The following CDH2 variants were observed in gnomAD, a reference collection of about 807,000 sequenced individuals.
CDH2 encodes the protein cadherin-2.
CDH2 carries 17 observed loss-of-function variants against 92.0 expected under a neutral mutation model. The ratio of observed to expected loss-of-function variants is 0.18; its 90% CI spans 0.13 to 0.28. The LOEUF is 0.28. CDH2 is among the 10% of genes least tolerant of loss of function. CDH2 has a pLI of 1.00. For synonymous variants in CDH2, 419 were observed against 415.9 expected, an observed-to-expected ratio of 1.01 and a Z score of -0.09; for missense variants, 862 against 1,133.1, an observed-to-expected ratio of 0.76 and a Z score of 3.44.
intron 2 of CDH2, among the ~76,000 whole-genome samples, chr18:28,134,027 G>A (rs1289296801): frequency 3.3e-5 from 5 of 151,062 alleles, no homozygotes; most frequent in African/African-American, 1.2e-4. Flanking sequence ...GAGGCATGGT[G>A]AGTCACGCCT....
At chr18:27,947,488 A>C (rs1048044922), downstream of CDH2, among the ~76,000 whole-genome samples, 1 of 151,854 alleles carries the variant, frequency 6.6e-6, no homozygotes, top group Non-Finnish European at 1.5e-5. Flanking sequence ...CAATTTATGC[A>C]CAAGAGAAAA....
At chr18:28,096,776 T>C (rs2015142518) in intron 2 of CDH2, among the ~76,000 whole-genome samples, 1 of 152,188 alleles carries the variant, frequency 6.6e-6, no homozygotes, top group Non-Finnish European at 1.5e-5. Flanking sequence ...TATGAGGATA[T>C]GTAAAAAATG....
chr18:28,089,659 A>G (rs528796512), intron 2 of CDH2, among the ~76,000 whole-genome samples: 3 of 152,326 alleles, frequency 2.0e-5, no homozygotes, highest in Admixed American at 1.3e-4. Context: ...GCAAATGGTT[A>G]TATCTAATTT....
rs577869215 is a variant in CDH2 at position 28,006,563 on chromosome 18, C to CA, written c.703-571dup. 6.5e-3 allele frequency among the ~76,000 whole-genome samples: 892 copies of CA among 137,120 alleles called. 6 individuals carry two copies. The highest frequency in any genetic ancestry group is 0.019 in the Middle Eastern group (5 of 264). 90.0% of individuals were successfully genotyped at this position (137,120 alleles called of 152,430 possible). A position where few individuals can be genotyped will look rare whatever the true frequency, so the allele number is the denominator to read the frequency against. On this transcript the variant is annotated intron_variant, in intron 5 of 15. Coordinates refer to ENST00000269141, the MANE Select transcript of CDH2 (RefSeq NM_001792.5). ...CGAAACCCCGTCTCTACTAAAAATA[C>CA]AAAAAAAAAAAAATTAGCTGGGCCT...
intron 7 of CDH2, among the ~76,000 whole-genome samples, chr18:27,995,493 T>G (rs540192195): frequency 5.9e-5 from 9 of 152,116 alleles, no homozygotes; most frequent in Non-Finnish European, 1.3e-4. Flanking sequence ...TTATGACTTT[T>G]GAAATGTCAG....
At chr18:28,078,665 A>T (rs2014770861) in intron 2 of CDH2, among the ~76,000 whole-genome samples, 1 of 144,508 alleles carries the variant, frequency 6.9e-6, no homozygotes, top group Non-Finnish European at 1.5e-5. Flanking sequence ...GCACCCAGGC[A>T]TTTGTACATT....
chr18:28,138,308 GA>G (rs1015403550), intron 2 of CDH2, among the ~76,000 whole-genome samples: 17 of 152,028 alleles, frequency 1.1e-4, no homozygotes, highest in African/African-American at 3.9e-4. Context: ...CAGTTTGTCT[GA>G]AAAAAACACC....
intron 2 of CDH2, among the ~76,000 whole-genome samples, chr18:28,044,593 T>C (rs2014032419): frequency 6.6e-6 from 1 of 152,160 alleles, no homozygotes; most frequent in Non-Finnish European, 1.5e-5. Context: ...ATCTACTCAA[T>C]GACATGCGAA....
Position 28,147,720 on chromosome 18 carries a change from CTG to C in CDH2, c.123_124del (p.Tyr41Ter), listed in dbSNP as rs757055934. 6.2e-7 allele frequency: 1 copy of C among 1,612,892 alleles called. No homozygotes were observed. Among genetic ancestry groups the C allele is most frequent in the Non-Finnish European group, 8.5e-7 (1 of 1,179,342 alleles). On this transcript the variant is annotated stop_gained and frameshift_variant, in exon 2 of 16. Coordinates refer to ENST00000269141, the MANE Select transcript of CDH2 (RefSeq NM_001792.5). LOFTEE classifies it high-confidence loss of function. ...ATGCACATCCTTCGATAAGACTGCACTGTAAACATCTTCAGGAAATCCAGTCT... is the reference window on the plus strand; with the variant it reads ...ATGCACATCCTTCGATAAGACTGCACTAAACATCTTCAGGAAATCCAGTCT...
intron 1 of CDH2, among the ~76,000 whole-genome samples, chr18:28,148,558 G>T (rs2016073560): frequency 6.6e-6 from 1 of 152,184 alleles, no homozygotes; most frequent in Non-Finnish European, 1.5e-5. Context: ...TTGGAGGACA[G>T]TCAGCCCTCA....
intron 2 of CDH2, among the ~76,000 whole-genome samples, chr18:28,085,622 T>C (rs2014911919): frequency 6.6e-6 from 1 of 152,062 alleles, no homozygotes; most frequent in East Asian, 1.9e-4. Context: ...CTTCAGAAAA[T>C]CATGTTTAAA....
At chr18:27,973,898 T>C (rs893939946) in intron 14 of CDH2, among the ~76,000 whole-genome samples, 10 of 152,168 alleles carry the variant, frequency 6.6e-5, no homozygotes, top group Non-Finnish European at 1.3e-4. Context: ...GGAGAGTCTT[T>C]GGCGCTTAGG....
At chr18:28,110,559 A>C (rs1470232399) in intron 2 of CDH2, among the ~76,000 whole-genome samples, 2 of 152,162 alleles carry the variant, frequency 1.3e-5, no homozygotes, top group Non-Finnish European at 2.9e-5. Flanking sequence ...CTGTTCTGCA[A>C]GCTACTGGGC....
chr18:28,042,081 C>T (rs1256333185), intron 2 of CDH2, among the ~76,000 whole-genome samples: 1 of 152,060 alleles, frequency 6.6e-6, no homozygotes, highest in Non-Finnish European at 1.5e-5. Context: ...AAATGCCGAA[C>T]TGCTAATAAG....
At chr18:27,999,679 T>C (rs889086575) in intron 7 of CDH2, among the ~76,000 whole-genome samples, 3 of 151,388 alleles carry the variant, frequency 2.0e-5, no homozygotes, top group Middle Eastern at 3.5e-3. Flanking sequence ...TATATACATA[T>C]ATATATGTGT....
chr18:28,127,083 G>A (rs1318430722), intron 2 of CDH2, among the ~76,000 whole-genome samples: 1 of 152,138 alleles, frequency 6.6e-6, no homozygotes, highest in Non-Finnish European at 1.5e-5. Flanking sequence ...TTAAGCAGGA[G>A]AAAGACATGC....
downstream of CDH2, among the ~76,000 whole-genome samples, chr18:27,948,364 A>C (rs1909328608): frequency 6.6e-6 from 1 of 151,974 alleles, no homozygotes; most frequent in East Asian, 1.9e-4. Flanking sequence ...TTAGAAAGTT[A>C]GATTTCTGCA....
chr18:27,970,835 C>A (rs1162228802), intron 14 of CDH2, among the ~76,000 whole-genome samples: 1 of 152,174 alleles, frequency 6.6e-6, no homozygotes, highest in East Asian at 1.9e-4. Context: ...GTTGCTGCAG[C>A]ATAAAAGTAG....
intron 15 of CDH2, among the ~76,000 whole-genome samples, chr18:27,953,499 T>C (rs1909562287): frequency 6.6e-6 from 1 of 152,062 alleles, no homozygotes; most frequent in African/African-American, 2.4e-5. Context: ...TGGCCTCACC[T>C]ATCTAAGATG....
Sources: gnomAD v4.1 joint callset for allele counts (sites outside exome capture counted in the v4.1 genomes callset) on GRCh38, gnomAD v4.1.1 for gene constraint, MANE v1.5 for transcripts, NCBI Gene and HGNC (gene_info 2026-07-23, HGNC 2026-07-21) for gene names.